Variants in SMYD3 observed in about 807,000 individuals in gnomAD.
The protein encoded by SMYD3 is histone-lysine N-methyltransferase SMYD3.
SMYD3 carries 36 observed loss-of-function variants against 57.7 expected under a neutral mutation model. That is an observed-to-expected ratio of 0.62 (90% CI 0.48 to 0.82). The LOEUF is 0.82. Among genes scored for constraint, SMYD3 ranks in the 40% least tolerant of loss-of-function variants. The pLI, the probability that SMYD3 is intolerant of heterozygous loss-of-function variation, is 0.00. For missense variants in SMYD3, 515 were observed against 538.8 expected (o/e 0.96, Z 0.44); for synonymous variants, 211 against 195.0 (o/e 1.08, Z -0.68).
chr1:245,987,554 G>C, intron 5 of SMYD3, among the ~76,000 whole-genome samples: 1 of 152,184 alleles, frequency 6.6e-6, no homozygotes, highest in East Asian at 1.9e-4. Context: ...TGTTCTTCCA[G>C]CTTCACGCTA....
At chr1:246,368,841 A>T (rs1355861289) in intron 1 of SMYD3, among the ~76,000 whole-genome samples, 1 of 152,178 alleles carries the variant, frequency 6.6e-6, no homozygotes, top group Non-Finnish European at 1.5e-5. Flanking sequence ...CTCAAACATC[A>T]GGCTCCAAGT....
chr1:245,960,693 C>T (rs940279115), intron 5 of SMYD3, among the ~76,000 whole-genome samples: 3 of 151,928 alleles, frequency 2.0e-5, no homozygotes, highest in African/African-American at 7.3e-5. Context: ...TGCCACTGCA[C>T]TCCAGCCTGG....
rs149893860 is a variant in SMYD3, at chr1:245,773,518, C to G, written c.1077-9369G>C. On this transcript the variant is annotated intron_variant, in intron 10 of 11. Coordinates refer to ENST00000490107, the MANE Select transcript of SMYD3 (RefSeq NM_001167740.2). ...GAAACCTCAGGGGCTGTGTGGATGGCCCTCAGTGTGGCGCAGGGGTGAGGA... is the reference window on the plus strand; with the variant it reads ...GAAACCTCAGGGGCTGTGTGGATGGGCCTCAGTGTGGCGCAGGGGTGAGGA... Among the ~76,000 whole-genome samples the G allele has an allele frequency of 3.4e-3, 514 of 152,338 alleles. 3 individuals carry two copies. Among genetic ancestry groups the G allele is most frequent in the African/African-American group, 0.012 (496 of 41,584 alleles).
In SMYD3 at chr1:245,782,561, C is replaced by A. The variant is rs1407990538; in HGVS notation, c.1077-18412G>T. Among the ~76,000 whole-genome samples the A allele has an allele frequency of 3.3e-5, 5 of 152,126 alleles. No homozygotes were observed. The South Asian group carries it at 6.2e-4, about 19-fold the overall frequency. Reference sequence around the variant, plus strand: ...TGCTGGCAATGCTTTTTAAATTCTGCAAATATAATTAATGGCTTGTTTGCT... The same window carrying A: ...TGCTGGCAATGCTTTTTAAATTCTGAAAATATAATTAATGGCTTGTTTGCT... On this transcript the variant is annotated intron_variant, in intron 10 of 11. Transcript: ENST00000490107.
chr1:246,382,430 G>C (rs1427020067), intron 1 of SMYD3, among the ~76,000 whole-genome samples: 1 of 151,996 alleles, frequency 6.6e-6, no homozygotes, highest in African/African-American at 2.4e-5. Context: ...TATAGACTCA[G>C]AGTCCAGGCC....
At chr1:245,988,692 T>A (rs948840075) in intron 5 of SMYD3, 2 of 152,248 alleles carry the variant, frequency 1.3e-5, no homozygotes, top group Admixed American at 1.3e-4. Flanking sequence ...CTGGCCCCCT[T>A]GCCACAGCCA....
intron 8 of SMYD3, among the ~76,000 whole-genome samples, chr1:245,868,632 A>C (rs2052011153): frequency 6.6e-6 from 1 of 152,240 alleles, no homozygotes; most frequent in African/African-American, 2.4e-5. Flanking sequence ...CAGAAGAGCA[A>C]GCAAGCTTTG....
chr1:245,833,073 A>AACC (rs36111391), intron 10 of SMYD3, among the ~76,000 whole-genome samples: 1 of 128,652 alleles, frequency 7.8e-6, no homozygotes, highest in African/African-American at 3.0e-5. Flanking sequence ...AAAAAAAAAA[A>AACC]AACCTGCTTT....
In SMYD3 at chr1:245,776,891, G is replaced by A. The variant is rs560643502; in HGVS notation, c.1077-12742C>T. ...GTAAATAAGGTTTCGTTGGGACACA[G>A]CCGTGTCTATTCATTTACATATTGT... is the stretch of plus-strand genomic sequence containing the variant. On this transcript the variant is annotated intron_variant, in intron 10 of 11. Coordinates refer to ENST00000490107, the MANE Select transcript of SMYD3 (RefSeq NM_001167740.2). 7.2e-5 allele frequency among the ~76,000 whole-genome samples: 11 copies of A among 152,354 alleles called. No homozygotes were observed. The South Asian group carries it at 1.4e-3, about 20-fold the overall frequency.
chr1:246,392,316 C>T (rs1458160015), intron 1 of SMYD3, among the ~76,000 whole-genome samples: 2 of 152,062 alleles, frequency 1.3e-5, no homozygotes, highest in African/African-American at 4.8e-5. Context: ...AAACATGAAA[C>T]GCATGAAAGA....
chr1:246,304,065 A>G (rs2064938844), intron 5 of SMYD3, among the ~76,000 whole-genome samples: 1 of 152,228 alleles, frequency 6.6e-6, no homozygotes, highest in Admixed American at 6.5e-5. Flanking sequence ...ATAACATCAC[A>G]AAGTTATTTG....
At chr1:246,000,126 G>A (rs144482675) in intron 5 of SMYD3, among the ~76,000 whole-genome samples, 179 of 152,268 alleles carry the variant, frequency 1.2e-3, no homozygotes, top group African/African-American at 4.0e-3. Context: ...ATAAAAATTC[G>A]TGATGATGAT....
chr1:246,490,129 G>A (rs2068247508), intron 1 of SMYD3, among the ~76,000 whole-genome samples: 1 of 150,336 alleles, frequency 6.7e-6, no homozygotes, highest in Non-Finnish European at 1.5e-5. Flanking sequence ...GTGAGCCACT[G>A]TGCCTGACTT....
At chr1:245,994,144 G>C (rs530751204) in intron 5 of SMYD3, among the ~76,000 whole-genome samples, 1 of 152,296 alleles carries the variant, frequency 6.6e-6, no homozygotes, top group East Asian at 1.9e-4. Flanking sequence ...AATGTCGGAA[G>C]AGTTTCTGTT....
rs6667073 is a variant in SMYD3 at position 245,793,106 on chromosome 1, A to C, written c.1077-28957T>G. Among the ~76,000 whole-genome samples the C allele has an allele frequency of 7.6e-5, 11 of 145,008 alleles. No individual in the cohort carries two copies. The East Asian group carries it at 1.6e-3, about 22-fold the overall frequency. ...CGGGTGATCACGAAATCAGGAGATCAAGACCATCCTGGCTAACACGGTGAA... is the reference window on the plus strand; with the variant it reads ...CGGGTGATCACGAAATCAGGAGATCCAGACCATCCTGGCTAACACGGTGAA... On this transcript the variant is annotated intron_variant, in intron 10 of 11. Transcript: ENST00000490107.
chr1:246,466,118 A>C (rs1027045233), intron 1 of SMYD3, among the ~76,000 whole-genome samples: 1 of 152,226 alleles, frequency 6.6e-6, no homozygotes, highest in Non-Finnish European at 1.5e-5. Context: ...ACCATTGTGG[A>C]AAACAGTGTG....
At chr1:245,951,340 C>T (rs12747446) in intron 5 of SMYD3, among the ~76,000 whole-genome samples, 83,872 of 128,478 alleles carry the variant, frequency 0.65, 28,760 homozygotes, top group Non-Finnish European at 0.79. Flanking sequence ...GAGGCTGAGG[C>T]GGGTGGATCA....
At chr1:246,451,196 C>G (rs187859404) in intron 1 of SMYD3, among the ~76,000 whole-genome samples, 1 of 152,184 alleles carries the variant, frequency 6.6e-6, no homozygotes, top group Admixed American at 6.5e-5. Flanking sequence ...TATCTGTTAG[C>G]TGACTGACAA....
intron 5 of SMYD3, among the ~76,000 whole-genome samples, chr1:246,115,925 G>T (rs1021682237): frequency 2.6e-5 from 4 of 151,958 alleles, no homozygotes; most frequent in African/African-American, 9.7e-5. Flanking sequence ...GATCACCTGA[G>T]GTCAGGAGTT....
Sources: gnomAD v4.1 joint callset for allele counts (sites outside exome capture counted in the v4.1 genomes callset) on GRCh38, gnomAD v4.1.1 for gene constraint, MANE v1.5 for transcripts, NCBI Gene and HGNC (gene_info 2026-07-23, HGNC 2026-07-21) for gene names.